The following GRIK5 variants were observed in gnomAD, a reference collection of about 807,000 sequenced individuals.
GRIK5 encodes glutamate ionotropic receptor kainate type subunit 5.
Under a neutral mutation model 97.4 loss-of-function variants are expected in GRIK5, and 43 were observed. The observed-to-expected ratio is 0.44, with a 90% CI of 0.35 to 0.57. GRIK5 has a LOEUF of 0.57. GRIK5 is among the 20% of genes least tolerant of loss of function. The probability of loss-of-function intolerance (pLI) is 0.01; values close to 1 mark genes in which losing one functional copy is unlikely to be tolerated. For synonymous variants in GRIK5, 580 were observed against 583.5 expected, an observed-to-expected ratio of 0.99 and a Z score of 0.09; for missense variants, 1,015 against 1,382.0, an observed-to-expected ratio of 0.73 and a Z score of 4.21.
rs113664349 is a variant in GRIK5, at chr19:42,024,630, G to A, written c.1474-2276C>T. Among the ~76,000 whole-genome samples the A allele has an allele frequency of 1.9e-3, 295 of 152,276 alleles. 2 individuals are homozygous for A. Among genetic ancestry groups the A allele is most frequent in the African/African-American group, 6.3e-3 (263 of 41,560 alleles). ...GGCTCAGTGAGGCAGCCCAGAGCCC[G>A]CAGAGAGCAGGTTCCCAACAGATCC... On this transcript the variant is annotated intron_variant, in intron 12 of 19. Transcript: ENST00000593562.
At chr19:42,052,283 G>C (rs2076127170) in intron 11 of GRIK5, among the ~76,000 whole-genome samples, 1 of 151,076 alleles carries the variant, frequency 6.6e-6, no homozygotes, top group African/African-American at 2.4e-5. Context: ...TTTGCACCCT[G>C]TTCCCCACCA....
At position 42,006,886 on chromosome 19, in the gene GRIK5, G is replaced by C. The variant is rs1555872854; in HGVS notation, c.1872-76C>G. The C allele has an allele frequency of 9.9e-6, 11 of 1,110,788 alleles. No individual in the cohort carries two copies. The highest frequency in any genetic ancestry group is 3.1e-5 in the African/African-American group (2 of 64,418). 68.8% of individuals were successfully genotyped at this position (1,110,788 alleles called of 1,614,324 possible). A position where few individuals can be genotyped will look rare whatever the true frequency, so the allele number is the denominator to read the frequency against. On this transcript the variant is annotated intron_variant, in intron 15 of 19. Coordinates refer to ENST00000593562, the MANE Select transcript of GRIK5 (RefSeq NM_002088.5). The surrounding 1 kb of genome is among the most constrained non-coding windows in gnomAD (Gnocchi z 5.3). Reference sequence around the variant, plus strand: ...GCCCCCGTGGCCATGCCCCCCATTGGTGGTGCCCCTCCCAAGTGACCCCAG... The same window carrying C: ...GCCCCCGTGGCCATGCCCCCCATTGCTGGTGCCCCTCCCAAGTGACCCCAG...
intron 6 of GRIK5, 61 bp from the exon 7 acceptor site, chr19:42,057,039 G>A: frequency 7.8e-7 from 1 of 1,274,538 alleles, no homozygotes; most frequent in Non-Finnish European, 1.1e-6. Context: ...GCAGAGATGG[G>A]GAGGACTCAA....
chr19:42,036,349 A>G (rs748818202), intron 12 of GRIK5, among the ~76,000 whole-genome samples: 1 of 147,146 alleles, frequency 6.8e-6, no homozygotes, highest in Non-Finnish European at 1.5e-5. Flanking sequence ...GATGTGAGCC[A>G]CTGTGCCCAG....
Position 41,999,992 on chromosome 19 carries a change from C to T in GRIK5, c.2515-693G>A, listed in dbSNP as rs189479759. Among the ~76,000 whole-genome samples, 333 of 152,340 alleles carry T rather than the reference C, an allele frequency of 2.2e-3. 1 individual carries two copies. Among genetic ancestry groups the T allele is most frequent in the African/African-American group, 7.4e-3 (307 of 41,570 alleles). On this transcript the variant is annotated intron_variant, in intron 19 of 19. Coordinates refer to ENST00000593562, the MANE Select transcript of GRIK5 (RefSeq NM_002088.5). The surrounding 1 kb of genome is among the most constrained non-coding windows in gnomAD (Gnocchi z 5.0). Reference sequence around the variant, plus strand: ...GAAGCCAGCCTGCTGGACAGATAACCGGGCAGGGCCGAAATGCCCAGGTGG... The same window carrying T: ...GAAGCCAGCCTGCTGGACAGATAACTGGGCAGGGCCGAAATGCCCAGGTGG...
chr19:42,000,705 G>C (rs2075416786), intron 19 of GRIK5, among the ~76,000 whole-genome samples: 1 of 152,158 alleles, frequency 6.6e-6, no homozygotes, highest in Non-Finnish European at 1.5e-5. Context: ...CACTGTGTCA[G>C]AGCTGGTCTG....
chr19:42,019,038 AG>A lies in GRIK5; in HGVS notation c.1871+2262del, dbSNP rs1389049074. Among the ~76,000 whole-genome samples the A allele has an allele frequency of 2.6e-5, 4 of 152,146 alleles. No individual in the cohort carries two copies. The East Asian group carries it at 7.7e-4, about 29-fold the overall frequency. Reference sequence around the variant, plus strand: ...CCAGGGCCAAAGGCTCCGATGAGGGAGGGAACATGAGTGGGGGCTGTCTGGG... The same window carrying A: ...CCAGGGCCAAAGGCTCCGATGAGGGAGGAACATGAGTGGGGGCTGTCTGGG... On this transcript the variant is annotated intron_variant, in intron 15 of 19. Coordinates refer to ENST00000593562, the MANE Select transcript of GRIK5 (RefSeq NM_002088.5).
chr19:42,050,710 A>G (rs1005599790), intron 11 of GRIK5, among the ~76,000 whole-genome samples: 2 of 151,922 alleles, frequency 1.3e-5, no homozygotes, highest in African/African-American at 2.4e-5. Context: ...GGTGCAAAAG[A>G]CAGGCATGTG....
intron 11 of GRIK5, among the ~76,000 whole-genome samples, chr19:42,051,036 C>T (rs1215723543): frequency 3.9e-5 from 6 of 152,138 alleles, no homozygotes; most frequent in African/African-American, 7.2e-5. Flanking sequence ...CTAATAAGAG[C>T]GGAGGAATGG....
At chr19:42,059,627 T>A (rs1286785775) in intron 5 of GRIK5, 100 bp from the exon 6 acceptor site, 3 of 1,031,734 alleles carry the variant, frequency 2.9e-6, no homozygotes, top group Non-Finnish European at 4.2e-6. Context: ...GGCAGAGGAC[T>A]GGAGGGTGTG....
At chr19:42,016,292 G>A (rs181062442) in intron 15 of GRIK5, among the ~76,000 whole-genome samples, 3,062 of 152,290 alleles carry the variant, frequency 0.02, 46 homozygotes, top group Non-Finnish European at 0.031. Flanking sequence ...GTGGTGGCTG[G>A]CACCTGTAAT....
At position 42,062,966 on chromosome 19, in the gene GRIK5, C is replaced by T; in HGVS notation, c.245-111G>A. 2.6e-6 allele frequency: 2 copies of T among 767,500 alleles called. No individual in the cohort carries two copies. Among genetic ancestry groups the T allele is most frequent in the Non-Finnish European group, 4.5e-6 (2 of 449,196 alleles). The allele number at this position is 767,500 out of a possible 1,614,324, so 47.5% of individuals were successfully genotyped here. A position where few individuals can be genotyped will look rare whatever the true frequency, so the allele number is the denominator to read the frequency against. On this transcript the variant is annotated intron_variant, in intron 3 of 19. Transcript: ENST00000593562. The surrounding 1 kb of genome is among the most constrained non-coding windows in gnomAD (Gnocchi z 5.3). ...GGAGAGGATCAGACACTGGCAACTG[C>T]CTGATCCTCTTCTGCCATCCGGGAC...
intron 12 of GRIK5, among the ~76,000 whole-genome samples, chr19:42,037,280 C>T (rs755043836): frequency 6.6e-6 from 1 of 152,072 alleles, no homozygotes; most frequent in Non-Finnish European, 1.5e-5. Flanking sequence ...GCCAACATGG[C>T]GAAACCCCGT....
At chr19:42,033,484 A>G (rs1216504279) in intron 12 of GRIK5, among the ~76,000 whole-genome samples, 1 of 152,014 alleles carries the variant, frequency 6.6e-6, no homozygotes, top group Non-Finnish European at 1.5e-5. Context: ...AAACCCATGG[A>G]GACAGAAAGA....
At chr19:42,063,781 G>T (rs992086064) in intron 3 of GRIK5, among the ~76,000 whole-genome samples, 17 of 152,134 alleles carry the variant, frequency 1.1e-4, no homozygotes, top group African/African-American at 3.6e-4. Flanking sequence ...AACAATCCTA[G>T]GCCATCGTTT....
At chr19:42,057,929 A>G (rs1251562819) in intron 6 of GRIK5, among the ~76,000 whole-genome samples, 1 of 152,202 alleles carries the variant, frequency 6.6e-6, no homozygotes, top group African/African-American at 2.4e-5. Flanking sequence ...ATAACATTAA[A>G]GGGCACCAGC....
At chr19:42,037,775 G>C (rs1157676865) in intron 12 of GRIK5, among the ~76,000 whole-genome samples, 1 of 152,056 alleles carries the variant, frequency 6.6e-6, no homozygotes, top group African/African-American at 2.4e-5. Context: ...CTCTCCCCAA[G>C]AGCAGCCCAC....
chr19:42,062,673 T>C lies in GRIK5; in HGVS notation c.343-20A>G, dbSNP rs763009666. Reference sequence around the variant, plus strand: ...GGGGATCTGGACAGAGAGGAAACTTTGGCCTCCATCCTGCTTCTCCGCCCA... The same window carrying C: ...GGGGATCTGGACAGAGAGGAAACTTCGGCCTCCATCCTGCTTCTCCGCCCA... On this transcript the variant is annotated intron_variant, in intron 4 of 19. Transcript: ENST00000593562. The surrounding 1 kb of genome is among the most constrained non-coding windows in gnomAD (Gnocchi z 5.3). 4 of 1,613,822 alleles carry C rather than the reference T, an allele frequency of 2.5e-6. No individual in the cohort carries two copies. Among genetic ancestry groups the C allele is most frequent in the African/African-American group, 1.3e-5 (1 of 75,010 alleles).
Position 42,003,578 on chromosome 19 carries a change from T to C in GRIK5, c.2369A>G (p.Lys790Arg), listed in dbSNP as rs1555871631. ...RKWWEGGRCP[K>R]EEDHRAKGLG... ...ACCTTTAGCTCGATGGTCCTCCTCC[T>C]TGGGGCACCGGCCCCCCTCCCACCA... Residue 790 changes from lysine to arginine, a missense_variant, in exon 18 of 20, where the codon AAG becomes AGG. Lys to Arg is a conservative substitution (Grantham distance 26). Coordinates refer to ENST00000593562, the MANE Select transcript of GRIK5 (RefSeq NM_002088.5). This position sits in a 1 kb window ranked among gnomAD's most constrained non-coding sequence, Gnocchi z 4.2. The C allele has an allele frequency of 2.5e-6, 4 of 1,612,510 alleles. No homozygotes were observed. The highest frequency in any genetic ancestry group is 3.3e-5 in the Admixed American group (2 of 59,836).
Sources: allele counts gnomAD v4.1 joint callset (sites outside exome capture counted in the v4.1 genomes callset), GRCh38; gene constraint gnomAD v4.1.1; non-coding constraint Gnocchi (gnomAD v3.1); transcripts MANE v1.5; gene names NCBI Gene and HGNC (gene_info 2026-07-23, HGNC 2026-07-21).